ZNF883: variants seen among roughly 807,000 people sequenced by gnomAD.
ZNF883 encodes the protein zinc finger protein 883.
At chr9:112,995,820 G>A (rs963958047), downstream of ZNF883, among the ~76,000 whole-genome samples, 3 of 151,966 alleles carry the variant, frequency 2.0e-5, no homozygotes, top group Admixed American at 6.5e-5. Flanking sequence ...GATTGACTTC[G>A]AGTATTTAAG....
At chr9:113,003,436 A>G (rs1828445269) in intron 2 of ZNF883, among the ~76,000 whole-genome samples, 1 of 152,142 alleles carries the variant, frequency 6.6e-6, no homozygotes, top group Non-Finnish European at 1.5e-5. Flanking sequence ...GAATGGACTA[A>G]TACACCTTGT....
At chr9:113,007,934 G>A (rs1324936) in intron 2 of ZNF883, among the ~76,000 whole-genome samples, 104,573 of 151,364 alleles carry the variant, frequency 0.69, 36,733 homozygotes, top group East Asian at 0.89. Flanking sequence ...AGAAAAAGAA[G>A]GAAAAGGAGA....
chr9:113,000,686 A>G (rs1828414012), upstream of ZNF883, among the ~76,000 whole-genome samples: 1 of 152,116 alleles, frequency 6.6e-6, no homozygotes, highest in Non-Finnish European at 1.5e-5. Flanking sequence ...TACTAATGAT[A>G]AAGAAAGAGA....
In ZNF883 at chr9:112,997,234, T is replaced by C. The variant is rs1275562650; in HGVS notation, n.1026A>G. On this transcript the variant is annotated non_coding_transcript_exon_variant, in exon 1 of 1. Transcript: ENST00000639662. Reference sequence around the variant, plus strand: ...ATTGATAGGGTCTCTCCCTTGTATGTATTCGCTTATGTTTAGTTAGAGCTG... The same window carrying C: ...ATTGATAGGGTCTCTCCCTTGTATGCATTCGCTTATGTTTAGTTAGAGCTG... 5 of 1,613,948 alleles carry C rather than the reference T, an allele frequency of 3.1e-6. No individual in the cohort carries two copies. In the African/African-American group the frequency reaches 6.7e-5, roughly 22 times the overall value.
intron 1 of ZNF883, among the ~76,000 whole-genome samples, chr9:112,992,049 G>A (rs756242417): frequency 6.6e-6 from 1 of 152,118 alleles, no homozygotes; most frequent in Non-Finnish European, 1.5e-5. Context: ...GCCATTCTGT[G>A]TCTTTTAACT....
chr9:112,995,705 A>C (rs1395787204), downstream of ZNF883, among the ~76,000 whole-genome samples: 1 of 113,834 alleles, frequency 8.8e-6, no homozygotes, highest in Non-Finnish European at 1.7e-5. Flanking sequence ...AGCATCTATT[A>C]AGATAGGTTT....
chr9:112,999,176 G>C (rs1828396974), upstream of ZNF883: 1 of 152,120 alleles, frequency 6.6e-6, no homozygotes, highest in Admixed American at 6.5e-5. Context: ...TCATTCATCA[G>C]TTACAGAAAA....
chr9:113,012,157 A>G (rs1294685921), exon 1 of ZNF883: 1 of 152,128 alleles, frequency 6.6e-6, no homozygotes, highest in Non-Finnish European at 1.5e-5. Flanking sequence ...CACCTGCTCC[A>G]CCGAAAAATA....
At chr9:112,995,203 A>G (rs554127593), downstream of ZNF883, among the ~76,000 whole-genome samples, 1 of 151,310 alleles carries the variant, frequency 6.6e-6, no homozygotes, top group Admixed American at 6.6e-5. Context: ...AAATAGAATA[A>G]AAGGCTGAGT....
chr9:112,996,196 C>A (rs1828352381), downstream of ZNF883, among the ~76,000 whole-genome samples: 1 of 151,894 alleles, frequency 6.6e-6, no homozygotes, highest in Non-Finnish European at 1.5e-5. Flanking sequence ...CTGCATTGCA[C>A]TGAAAAAAAT....
intron 1 of ZNF883, among the ~76,000 whole-genome samples, chr9:112,988,895 T>C (rs535499859): frequency 1.0e-4 from 5 of 48,558 alleles, no homozygotes; most frequent in African/African-American, 6.5e-4. Flanking sequence ...GTGATGTTGG[T>C]TTTTTTTTCA....
At chr9:113,007,800 G>T (rs754086488) in intron 2 of ZNF883, among the ~76,000 whole-genome samples, 3 of 152,160 alleles carry the variant, frequency 2.0e-5, no homozygotes, top group Non-Finnish European at 4.4e-5. Flanking sequence ...CAACAGTAAT[G>T]AACTGACTTG....
intron 1 of ZNF883, among the ~76,000 whole-genome samples, chr9:112,988,476 C>A (rs980167155): frequency 2.0e-5 from 3 of 152,186 alleles, no homozygotes; most frequent in African/African-American, 7.2e-5. Context: ...AGGACACGAT[C>A]TGTTTCCTTT....
At chr9:113,005,207 A>G (rs1828462438) in intron 2 of ZNF883, among the ~76,000 whole-genome samples, 1 of 152,164 alleles carries the variant, frequency 6.6e-6, no homozygotes, top group East Asian at 1.9e-4. Flanking sequence ...ATTTGACTAT[A>G]CAAACAGAAG....
intron 1 of ZNF883, among the ~76,000 whole-genome samples, chr9:112,989,783 TC>T (rs1828283801): frequency 6.6e-6 from 1 of 152,228 alleles, no homozygotes; most frequent in South Asian, 2.1e-4. Context: ...GTTTGTGTCC[TC>T]TCTTATTTAC....
intron 2 of ZNF883, among the ~76,000 whole-genome samples, chr9:113,008,000 G>A (rs887236548): frequency 1.3e-5 from 2 of 152,074 alleles, no homozygotes; most frequent in South Asian, 2.1e-4. Flanking sequence ...GCATCACCGG[G>A]ACAGCATTTT....
At chr9:113,005,450 TTAAGA>T (rs2118623447) in intron 2 of ZNF883, among the ~76,000 whole-genome samples, 1 of 152,042 alleles carries the variant, frequency 6.6e-6, no homozygotes, top group East Asian at 1.9e-4. Context: ...GAAATACAAA[TTAAGA>T]TATCAATTTT....
chr9:112,991,653 C>T (rs1828304276), intron 1 of ZNF883, among the ~76,000 whole-genome samples: 1 of 151,866 alleles, frequency 6.6e-6, no homozygotes, highest in Non-Finnish European at 1.5e-5. Context: ...AATTTTCTGT[C>T]TTGATGATCT....
chr9:112,997,837 A>C (rs963774925), exon 1 of ZNF883: 8 of 1,612,990 alleles, frequency 5.0e-6, no homozygotes, highest in Admixed American at 1.7e-5. Flanking sequence ...TATGATGTTG[A>C]GTAAGGGCAG....
Sources: gnomAD v4.1 joint callset for allele counts (sites outside exome capture counted in the v4.1 genomes callset) on GRCh38, gnomAD v4.1.1 for gene constraint, MANE v1.5 for transcripts, NCBI Gene and HGNC (gene_info 2026-07-23, HGNC 2026-07-21) for gene names.